The following RASGEF1A variants were observed in gnomAD, a reference collection of about 807,000 sequenced individuals.
The protein encoded by RASGEF1A is RasGEF domain family member 1A, also known as ras-GEF domain-containing family member 1A.
RASGEF1A carries 18 observed loss-of-function variants against 56.4 expected under a neutral mutation model. The ratio of observed to expected loss-of-function variants is 0.32; its 90% confidence interval spans 0.22 to 0.47. The LOEUF is 0.47. Ranked by LOEUF, RASGEF1A falls within the 20% of genes least tolerant of loss-of-function variation. RASGEF1A has a pLI of 1.00. For synonymous variants in RASGEF1A, 245 were observed against 242.6 expected (o/e 1.01, Z -0.09); for missense variants, 422 against 627.1 (o/e 0.67, Z 3.49).
chr10:43,203,298 CT>C lies in RASGEF1A; in HGVS notation c.320del (p.Lys107ArgfsTer4), dbSNP rs1317811063. ...QKQQLEAGPE[K>X]AKLKSFSAKI... Reference sequence around the variant, plus strand: ...GTGCCCCAGCCAGGCCCCGCCTCACCTTTTCAGGCCCGGCTTCCAGCTGCTG... The same window carrying C: ...GTGCCCCAGCCAGGCCCCGCCTCACCTTTCAGGCCCGGCTTCCAGCTGCTG... On this transcript the variant is annotated frameshift_variant and splice_region_variant, in exon 3 of 13. Coordinates refer to ENST00000395810, the MANE Select transcript of RASGEF1A (RefSeq NM_145313.4). LOFTEE classifies it high-confidence loss of function. 6.4e-7 allele frequency: 1 copy of C among 1,554,304 alleles called. No individual in the cohort carries two copies. The highest frequency in any genetic ancestry group is 8.7e-7 in the Non-Finnish European group (1 of 1,149,756).
At chr10:43,255,246 GC>G (rs1453277611) in intron 1 of RASGEF1A, among the ~76,000 whole-genome samples, 3 of 152,154 alleles carry the variant, frequency 2.0e-5, no homozygotes, top group Non-Finnish European at 2.9e-5. Flanking sequence ...CGCCCTCCAG[GC>G]CCCTCACACC....
At chr10:43,204,695 G>A (rs970416053) in intron 2 of RASGEF1A, among the ~76,000 whole-genome samples, 4 of 152,186 alleles carry the variant, frequency 2.6e-5, no homozygotes, top group African/African-American at 9.7e-5. Flanking sequence ...GTAGGTGCTC[G>A]GCAGAGGAGC....
At chr10:43,199,270 G>A (rs1588925625) in intron 7 of RASGEF1A, 76 bp from the exon 8 acceptor site, 1 of 1,097,324 alleles carries the variant, frequency 9.1e-7, no homozygotes, top group Non-Finnish European at 1.4e-6. Context: ...CAGAGGAACA[G>A]AGGGGCAGGG....
chr10:43,208,173 G>A, intron 1 of RASGEF1A: 4 of 985,472 alleles, frequency 4.1e-6, no homozygotes, highest in Non-Finnish European at 4.8e-6. Context: ...GGGTTCAAAA[G>A]GCGACCAGCA....
intron 1 of RASGEF1A, among the ~76,000 whole-genome samples, chr10:43,232,913 C>T (rs969340617): frequency 5.3e-5 from 8 of 152,166 alleles, no homozygotes; most frequent in African/African-American, 1.4e-4. Context: ...TCAGAAGCTC[C>T]GTGACTCCCA....
rs752687835 is a variant in RASGEF1A, at chr10:43,197,001, G to A, written c.1323C>T (p.Leu441=). Residue 441 remains leucine, a synonymous_variant, in exon 11 of 13, where the codon CTC becomes CTT. Coordinates refer to ENST00000395810, the MANE Select transcript of RASGEF1A (RefSeq NM_145313.4). Reference sequence around the variant, plus strand: ...CTTCCTCGCTGTAGATGGGCGCCGTGAGCAGGTAACTCTGAATCTTCTTGT... The same window carrying A: ...CTTCCTCGCTGTAGATGGGCGCCGTAAGCAGGTAACTCTGAATCTTCTTGT... ...EKDKKIQSYL[L]TAPIYSEEAL... is the part of the protein sequence containing the mutation. 3.7e-6 allele frequency: 6 copies of A among 1,613,900 alleles called. No individual in the cohort carries two copies. Among genetic ancestry groups the A allele is most frequent in the Non-Finnish European group, 5.1e-6 (6 of 1,180,016 alleles).
intron 1 of RASGEF1A, among the ~76,000 whole-genome samples, chr10:43,242,257 T>C (rs901210040): frequency 5.1e-4 from 78 of 152,080 alleles, no homozygotes; most frequent in African/African-American, 1.7e-3. Context: ...AGGACAAAAA[T>C]TGTTACTAGA....
chr10:43,196,223 G>A lies in RASGEF1A; in HGVS notation c.*21C>T. ...CCAGTTAGTGCACGTGCTTCCTCTG[G>A]CGTCGCGGGCTGCATCCGCCTCAGG... On this transcript the variant is annotated 3_prime_UTR_variant, in exon 13 of 13. Transcript: ENST00000395810. The surrounding 1 kb of genome is among the most constrained non-coding windows in gnomAD (Gnocchi z 4.6). The A allele has an allele frequency of 1.2e-6, 2 of 1,611,950 alleles. No individual in the cohort carries two copies. Among genetic ancestry groups the A allele is most frequent in the Non-Finnish European group, 1.7e-6 (2 of 1,178,612 alleles).
rs778566268 is a variant in RASGEF1A, at chr10:43,195,664, C to G, written c.*580G>C. On this transcript the variant is annotated 3_prime_UTR_variant, in exon 13 of 13. Transcript: ENST00000395810. This position sits in a 1 kb window ranked among gnomAD's most constrained non-coding sequence, Gnocchi z 4.2. ...ATGAAAATGTAAACTTTGGACAGCC[C>G]GTACTCAAAGGCTCACTTCCAGAAG... is the stretch of plus-strand genomic sequence containing the variant. 6.6e-6 allele frequency: 1 copy of G among 152,634 alleles called. No individual in the cohort carries two copies. The highest frequency in any genetic ancestry group is 1.5e-5 in the Non-Finnish European group (1 of 68,056). The allele number at this position is 152,634 out of a possible 1,614,324, so 9.5% of individuals were successfully genotyped here.
At chr10:43,262,449 A>G (rs547832884) in intron 1 of RASGEF1A, among the ~76,000 whole-genome samples, 1 of 152,010 alleles carries the variant, frequency 6.6e-6, no homozygotes, top group African/African-American at 2.4e-5. Context: ...ACTGTCCCAG[A>G]GCTCTCAGGT....
chr10:43,196,675 T>G lies in RASGEF1A; in HGVS notation c.1349-127A>C. 1 of 932,766 alleles carries G rather than the reference T, an allele frequency of 1.1e-6. No individual in the cohort carries two copies. The highest frequency in any genetic ancestry group is 1.7e-6 in the Non-Finnish European group (1 of 592,156). 57.8% of individuals were successfully genotyped at this position (932,766 alleles called of 1,614,324 possible). A position where few individuals can be genotyped will look rare whatever the true frequency, so the allele number is the denominator to read the frequency against. On this transcript the variant is annotated intron_variant, in intron 11 of 12. Transcript: ENST00000395810. This position sits in a 1 kb window ranked among gnomAD's most constrained non-coding sequence, Gnocchi z 4.6. ...CCTCTGGCTGGGCTGAACACAGTTCTCTGCTGTGCGGGGCTCTCAGGCTGC... is the reference window on the plus strand; with the variant it reads ...CCTCTGGCTGGGCTGAACACAGTTCGCTGCTGTGCGGGGCTCTCAGGCTGC...
intron 1 of RASGEF1A, among the ~76,000 whole-genome samples, chr10:43,243,405 G>T (rs1274284075): frequency 6.7e-6 from 1 of 148,228 alleles, no homozygotes; most frequent in Admixed American, 6.7e-5. Context: ...TCTCTGCCTG[G>T]CCACCCCGCC....
intron 1 of RASGEF1A, among the ~76,000 whole-genome samples, chr10:43,218,850 A>C (rs569777054): frequency 1.4e-4 from 21 of 152,352 alleles, no homozygotes; most frequent in Non-Finnish European, 1.0e-4. Context: ...TTTGTTACAG[A>C]CACATGATTC....
At chr10:43,238,096 C>T (rs891193864) in intron 1 of RASGEF1A, among the ~76,000 whole-genome samples, 1 of 145,192 alleles carries the variant, frequency 6.9e-6, no homozygotes. Context: ...CTTTGGGGGG[C>T]GGAGGGAGGG....
chr10:43,246,355 A>T (rs1158062745), intron 1 of RASGEF1A, among the ~76,000 whole-genome samples: 1 of 152,172 alleles, frequency 6.6e-6, no homozygotes, highest in Non-Finnish European at 1.5e-5. Context: ...CTACAGATTC[A>T]ATGCAATCCC....
At chr10:43,218,300 T>C (rs774203558) in intron 1 of RASGEF1A, among the ~76,000 whole-genome samples, 2 of 152,246 alleles carry the variant, frequency 1.3e-5, no homozygotes, top group Non-Finnish European at 2.9e-5. Context: ...CCAGTGCACC[T>C]GCTGCAGACA....
chr10:43,220,572 T>A (rs570813300), intron 1 of RASGEF1A, among the ~76,000 whole-genome samples: 1 of 152,050 alleles, frequency 6.6e-6, no homozygotes, highest in Non-Finnish European at 1.5e-5. Flanking sequence ...TCACTTGAGG[T>A]CAGGAGTTCA....
chr10:43,196,375 C>T lies in RASGEF1A; in HGVS notation c.1421+101G>A. 17 of 1,552,928 alleles carry T rather than the reference C, an allele frequency of 1.1e-5. No homozygotes were observed. Among genetic ancestry groups the T allele is most frequent in the African/African-American group, 2.7e-5 (2 of 73,730 alleles). The stretch of plus-strand genomic sequence containing the variant: ...TGCACCAGGGACCCTGGACCAGGGA[C>T]GCGGCAGTGCCCAGGCTCCCTTTCC... On this transcript the variant is annotated intron_variant, in intron 12 of 12. Transcript: ENST00000395810. This position sits in a 1 kb window ranked among gnomAD's most constrained non-coding sequence, Gnocchi z 4.6.
chr10:43,228,529 G>T (rs564667416), intron 1 of RASGEF1A, among the ~76,000 whole-genome samples: 1 of 152,190 alleles, frequency 6.6e-6, no homozygotes, highest in Admixed American at 6.5e-5. Flanking sequence ...ATGTGACCCC[G>T]TCAGCCTGGG....
Sources: allele counts gnomAD v4.1 joint callset (sites outside exome capture counted in the v4.1 genomes callset), GRCh38; gene constraint gnomAD v4.1.1; non-coding constraint Gnocchi (gnomAD v3.1); transcripts MANE v1.5; gene names NCBI Gene and HGNC (gene_info 2026-07-23, HGNC 2026-07-21).